The following NLGN1 variants were observed in gnomAD, a reference collection of about 807,000 sequenced individuals.
NLGN1 encodes the protein neuroligin 1.
A neutral mutation model predicts 65.5 loss-of-function variants in NLGN1; 12 were observed. That is an observed-to-expected ratio of 0.18 (90% CI 0.12 to 0.30). The LOEUF (loss-of-function observed/expected upper bound fraction) is 0.30, where lower values mean the gene tolerates loss of function less well. Ranked by LOEUF, NLGN1 falls within the 10% of genes least tolerant of loss-of-function variation. The pLI, the probability that NLGN1 is intolerant of heterozygous loss-of-function variation, is 1.00. For missense variants in NLGN1, 750 were observed against 1,007.1 expected (o/e 0.74, Z 3.46); for synonymous variants, 350 against 359.5 (o/e 0.97, Z 0.30).
chr3:173,999,120 C>G (rs898624614), intron 4 of NLGN1, among the ~76,000 whole-genome samples: 6 of 152,174 alleles, frequency 3.9e-5, no homozygotes, highest in African/African-American at 1.4e-4. Flanking sequence ...GACAGTGAAA[C>G]TCTAGATGCT....
At chr3:173,610,870 G>C (rs1184155864) in intron 3 of NLGN1, among the ~76,000 whole-genome samples, 1 of 151,960 alleles carries the variant, frequency 6.6e-6, no homozygotes, top group Non-Finnish European at 1.5e-5. Context: ...AAAAATACGA[G>C]AAGTGAGGAA....
chr3:173,799,880 CAAATT>C (rs1715026951), intron 3 of NLGN1, among the ~76,000 whole-genome samples: 1 of 151,720 alleles, frequency 6.6e-6, no homozygotes, highest in Non-Finnish European at 1.5e-5. Context: ...TATATTGTCT[CAAATT>C]AAAGAATGAA....
chr3:173,837,961 G>C (rs953243646), intron 4 of NLGN1, among the ~76,000 whole-genome samples: 3 of 152,120 alleles, frequency 2.0e-5, no homozygotes, highest in African/African-American at 4.8e-5. Context: ...AAACTTGTAT[G>C]TTTGAAGTTT....
intron 4 of NLGN1, among the ~76,000 whole-genome samples, chr3:173,838,901 A>T (rs1229843594): frequency 6.6e-6 from 1 of 152,178 alleles, no homozygotes; most frequent in Non-Finnish European, 1.5e-5. Flanking sequence ...TTCACATGAA[A>T]AGTCTTACTG....
At chr3:173,605,045 G>C (rs1424108879) in exon 3 of NLGN1, 2 of 1,613,172 alleles carry the variant, frequency 1.2e-6, no homozygotes, top group African/African-American at 2.7e-5. Flanking sequence ...TGCAAGACCA[G>C]AGCGAAGACT....
At chr3:173,968,096 T>A (rs1407199376) in intron 4 of NLGN1, among the ~76,000 whole-genome samples, 1 of 152,190 alleles carries the variant, frequency 6.6e-6, no homozygotes, top group Non-Finnish European at 1.5e-5. Flanking sequence ...GTTTTTCTTT[T>A]CTAAATTATA....
chr3:173,960,825 A>G (rs992376126), intron 4 of NLGN1, among the ~76,000 whole-genome samples: 3 of 151,728 alleles, frequency 2.0e-5, no homozygotes, highest in Non-Finnish European at 2.9e-5. Context: ...TAAAGGGTTT[A>G]TCTTTATATA....
At chr3:173,971,811 A>G (rs1193758501) in intron 4 of NLGN1, among the ~76,000 whole-genome samples, 1 of 152,060 alleles carries the variant, frequency 6.6e-6, no homozygotes, top group Non-Finnish European at 1.5e-5. Flanking sequence ...AGGGCCAAGG[A>G]TATGTAAGGA....
intron 4 of NLGN1, among the ~76,000 whole-genome samples, chr3:174,109,290 GT>G (rs1158701347): frequency 6.6e-6 from 1 of 151,766 alleles, no homozygotes; most frequent in Non-Finnish European, 1.5e-5. Flanking sequence ...TTTTCCTTCA[GT>G]TTTAAAAATA....
intron 3 of NLGN1, among the ~76,000 whole-genome samples, chr3:173,628,809 T>G (rs991523596): frequency 1.3e-5 from 2 of 152,032 alleles, no homozygotes; most frequent in African/African-American, 4.8e-5. Flanking sequence ...TTCTCCTAGC[T>G]CAGTCTCCCT....
At chr3:173,464,710 C>T (rs1035806950) in intron 2 of NLGN1, among the ~76,000 whole-genome samples, 2 of 152,192 alleles carry the variant, frequency 1.3e-5, no homozygotes, top group Non-Finnish European at 2.9e-5. Context: ...GCTGGGATTA[C>T]AGGCGTGAGC....
At chr3:173,570,088 T>C (rs1436994748) in intron 2 of NLGN1, among the ~76,000 whole-genome samples, 1 of 152,064 alleles carries the variant, frequency 6.6e-6, no homozygotes, top group Non-Finnish European at 1.5e-5. Flanking sequence ...CAACCTATCT[T>C]GGGAGTGGGG....
At chr3:173,522,345 C>G (rs188274208) in intron 2 of NLGN1, among the ~76,000 whole-genome samples, 4 of 152,220 alleles carry the variant, frequency 2.6e-5, no homozygotes, top group African/African-American at 9.6e-5. Flanking sequence ...TTTGTTTATC[C>G]AGTCCACCAC....
intron 4 of NLGN1, among the ~76,000 whole-genome samples, chr3:174,003,241 G>A (rs1286932198): frequency 6.6e-6 from 1 of 151,994 alleles, no homozygotes; most frequent in African/African-American, 2.4e-5. Flanking sequence ...TATTGCAAAG[G>A]TTATTTTCTT....
At chr3:173,648,330 C>A (rs982408434) in intron 3 of NLGN1, among the ~76,000 whole-genome samples, 1 of 151,932 alleles carries the variant, frequency 6.6e-6, no homozygotes, top group African/African-American at 2.4e-5. Flanking sequence ...AAATAAAAAC[C>A]AGTCAAAATA....
intron 3 of NLGN1, among the ~76,000 whole-genome samples, chr3:173,798,948 G>A (rs1265872397): frequency 6.6e-6 from 1 of 151,848 alleles, no homozygotes; most frequent in Non-Finnish European, 1.5e-5. Flanking sequence ...AGTTATAATA[G>A]TAAATTTAGT....
intron 4 of NLGN1, among the ~76,000 whole-genome samples, chr3:174,086,773 G>A (rs1743488035): frequency 1.3e-5 from 2 of 151,810 alleles, no homozygotes; most frequent in Non-Finnish European, 2.9e-5. Flanking sequence ...AAAATAATAT[G>A]TAACATTTAT....
intron 4 of NLGN1, among the ~76,000 whole-genome samples, chr3:174,145,545 A>G (rs11914629): frequency 0.096 from 14,583 of 152,050 alleles, 1,923 homozygotes; most frequent in African/African-American, 0.28. Context: ...CAGATAAAAT[A>G]GACAAAATAG....
rs546779057 is a variant in NLGN1 at position 173,447,006 on chromosome 3, C to T, written c.-321+11928C>T. 4.6e-5 allele frequency among the ~76,000 whole-genome samples: 7 copies of T among 152,124 alleles called. No individual in the cohort carries two copies. The South Asian group carries it at 1.0e-3, about 23-fold the overall frequency. ...TAGGTTGCAAAAATTTTCTCCCATT[C>T]TGTAGGTTGCCTGTTCACTCTGATG... On this transcript the variant is annotated intron_variant, in intron 2 of 6. Transcript: ENST00000457714.
Sources: allele counts gnomAD v4.1 joint callset (sites outside exome capture counted in the v4.1 genomes callset), GRCh38; gene constraint gnomAD v4.1.1; transcripts MANE v1.5; gene names NCBI Gene and HGNC (gene_info 2026-07-23, HGNC 2026-07-21).